Variants in DDX11 observed in about 807,000 individuals in gnomAD.
DDX11 encodes DEAD/H-box helicase 11.
DDX11 carries 72 observed loss-of-function variants against 125.2 expected under a neutral mutation model. The ratio of observed to expected loss-of-function variants is 0.58; its 90% CI spans 0.48 to 0.70. The LOEUF is 0.70. Among genes scored for constraint, DDX11 ranks in the 30% least tolerant of loss-of-function variants. The pLI, the probability that DDX11 is intolerant of heterozygous loss-of-function variation, is 0.00. For missense variants in DDX11, 883 were observed against 1,165.0 expected (o/e 0.76, Z 3.52); for synonymous variants, 347 against 452.6 (o/e 0.77, Z 2.96).
chr12:31,095,810 T>C (rs1945124427), intron 14 of DDX11, among the ~76,000 whole-genome samples: 3 of 152,168 alleles, frequency 2.0e-5, no homozygotes, highest in Admixed American at 2.0e-4. Flanking sequence ...GTCTCGGGTC[T>C]CATCACTCAC....
chr12:31,079,839 A>G (rs565055737), intron 2 of DDX11, among the ~76,000 whole-genome samples: 1,876 of 151,680 alleles, frequency 0.012, 10 homozygotes, highest in African/African-American at 0.044. Context: ...TTTTTTTAAC[A>G]TGCATTTTGG....
chr12:31,082,112 G>A (rs1311216777), intron 2 of DDX11, among the ~76,000 whole-genome samples: 1 of 118,120 alleles, frequency 8.5e-6, no homozygotes, highest in African/African-American at 3.6e-5. Flanking sequence ...TAAAAATATG[G>A]GATCCATCCA....
chr12:31,088,421 C>T (rs1943557654), intron 6 of DDX11, among the ~76,000 whole-genome samples: 1 of 152,134 alleles, frequency 6.6e-6, no homozygotes, highest in Admixed American at 6.5e-5. Flanking sequence ...ACGGGTAGGA[C>T]AGACATGAGT....
At chr12:31,102,053 C>T (rs1946476085) in intron 21 of DDX11, 71 bp downstream of exon 21, 2 of 1,582,106 alleles carry the variant, frequency 1.3e-6, no homozygotes, top group Non-Finnish European at 1.7e-6. Context: ...AGCTCTCGTG[C>T]TCATCGGGTC....
intron 14 of DDX11, among the ~76,000 whole-genome samples, chr12:31,095,952 G>A (rs1324072017): frequency 6.6e-6 from 1 of 152,086 alleles, no homozygotes; most frequent in Non-Finnish European, 1.5e-5. Context: ...CGACTGAGTG[G>A]CACTGCCCCA....
chr12:31,084,803 G>C, intron 4 of DDX11, 134 bp downstream of exon 4: 2 of 1,010,890 alleles, frequency 2.0e-6, no homozygotes, highest in Non-Finnish European at 3.0e-6. Context: ...TACAGAAGCT[G>C]GGCTGTGAGT....
In DDX11 at chr12:31,091,840, G is replaced by T. The variant is rs749601343; in HGVS notation, c.1211G>T (p.Gly404Val). The change falls in exon 10 of 27, where the codon GGC becomes GTC. Residue 404 changes from glycine to valine, a missense_variant. This residue lies in a region of DDX11 where 72 missense variants were observed against 159.7 expected (regional missense o/e 0.45). Coordinates refer to ENST00000542838, the MANE Select transcript of DDX11 (RefSeq NM_030653.4). ...CACAACCTGATCGACACCATCACGG[G>T]CATGCACAGCGTGGAGGTCAGCGGC... ...EAHNLIDTIT[G>V]MHSVEVSGSQ... 144 of 1,613,882 alleles carry T rather than the reference G, an allele frequency of 8.9e-5. No individual in the cohort carries two copies. The highest frequency in any genetic ancestry group is 8.1e-5 in the Non-Finnish European group (95 of 1,179,862).
At position 31,083,982 on chromosome 12, in the gene DDX11, C is replaced by T. The variant is rs1291864254; in HGVS notation, c.314C>T (p.Pro105Leu). ...TCCTGCGAAGGGGCTGCAGGCACCC[C>T]GAGGCCTGCTGGAGAACCGGCCTGG... ...SSSCEGAAGT[P>L]RPAGEPAWVT... The change falls in exon 3 of 27, where the codon CCG becomes CTG. Residue 105 changes from proline (P) to leucine (L), a missense_variant. Pro to Leu is a moderately conservative substitution (Grantham distance 98, BLOSUM62 -3). This residue lies in a region of DDX11 where 283 missense variants were observed against 359.6 expected (regional missense o/e 0.79). Coordinates refer to ENST00000542838, the MANE Select transcript of DDX11 (RefSeq NM_030653.4). The T allele has an allele frequency of 1.3e-5, 21 of 1,613,710 alleles. No individual in the cohort carries two copies. The highest frequency in any genetic ancestry group is 2.7e-5 in the African/African-American group (2 of 74,874).
At chr12:31,100,359 A>T (rs951952879) in intron 18 of DDX11, 26 of 326,780 alleles carry the variant, frequency 8.0e-5, no homozygotes, top group Non-Finnish European at 1.1e-4. Context: ...ATTTTTGAAA[A>T]TTTTCGCTGG....
intron 5 of DDX11, among the ~76,000 whole-genome samples, chr12:31,087,351 G>C (rs1286639561): frequency 6.6e-6 from 1 of 151,972 alleles, no homozygotes; most frequent in African/African-American, 2.4e-5. Context: ...GGCCGACCTG[G>C]GTCCTCCCTT....
intron 1 of DDX11, chr12:31,076,801 C>T (rs1398328869): frequency 2.0e-5 from 3 of 152,090 alleles, no homozygotes; most frequent in Non-Finnish European, 2.9e-5. Context: ...TTTTGATTAC[C>T]CTTCTTGTAA....
intron 9 of DDX11, 105 bp from the exon 10 acceptor site, chr12:31,091,614 C>G (rs1944235518): frequency 7.7e-7 from 1 of 1,292,668 alleles, no homozygotes; most frequent in African/African-American, 1.5e-5. Context: ...TCTACACAGT[C>G]CAGGCAGGAA....
Position 31,101,830 on chromosome 12 carries a change from T to C in DDX11, c.2053-3T>C. 1 of 1,613,940 alleles carries C rather than the reference T, an allele frequency of 6.2e-7. No homozygotes were observed. The highest frequency in any genetic ancestry group is 8.5e-7 in the Non-Finnish European group (1 of 1,179,838). ...TCCCTCCCTCCCTCCTTTCCTTCCT[T>C]AGATGGACGAGGTGGGTCGCATTCT... On this transcript the variant is annotated splice_polypyrimidine_tract_variant and splice_region_variant and intron_variant, in intron 20 of 26. Coordinates refer to ENST00000542838, the MANE Select transcript of DDX11 (RefSeq NM_030653.4).
intron 9 of DDX11, 131 bp from the exon 10 acceptor site, chr12:31,091,588 C>T (rs1390736580): frequency 3.1e-6 from 3 of 957,932 alleles, no homozygotes; most frequent in Non-Finnish European, 4.7e-6. Context: ...TTGCCACAAG[C>T]TGTTTTTCGA....
At chr12:31,101,691 A>G in intron 20 of DDX11, 142 bp from the exon 21 acceptor site, 3 of 1,137,822 alleles carry the variant, frequency 2.6e-6, no homozygotes, top group Non-Finnish European at 3.9e-6. Context: ...GTTCCCACCC[A>G]GGGGAGCCAA....
In DDX11 at chr12:31,104,004, C is replaced by T. The variant is rs1302988899; in HGVS notation, c.*168C>T. The stretch of plus-strand genomic sequence containing the variant: ...GGACCCAGGCACAGGCGTTAGCTCC[C>T]GTAGGAGAAAATGGGGGAATCCTGA... On this transcript the variant is annotated 3_prime_UTR_variant, in exon 27 of 27. Transcript: ENST00000542838. 3.3e-5 allele frequency: 52 copies of T among 1,557,544 alleles called. No individual in the cohort carries two copies. Among genetic ancestry groups the T allele is most frequent in the Admixed American group, 5.9e-5 (3 of 51,280 alleles).
rs752278323 is a variant in DDX11 at position 31,085,064 on chromosome 12, T to G, written c.576T>G (p.Ser192=). Reference sequence around the variant, plus strand: ...CTGAGCGGCTGGAGCAGCTGGAGTCTGGGGAGGAGGAGCTGGTCCTCGCCG... The same window carrying G: ...CTGAGCGGCTGGAGCAGCTGGAGTCGGGGGAGGAGGAGCTGGTCCTCGCCG... The part of the protein sequence containing the change: ...PEAERLEQLE[S]GEEELVLAEY... Residue 192 remains serine, a synonymous_variant, in exon 5 of 27, where the codon TCT becomes TCG. Coordinates refer to ENST00000542838, the MANE Select transcript of DDX11 (RefSeq NM_030653.4). 3.1e-6 allele frequency: 5 copies of G among 1,605,546 alleles called. No homozygotes were observed. Among genetic ancestry groups the G allele is most frequent in the Admixed American group, 3.4e-5 (2 of 58,924 alleles).
At position 31,101,484 on chromosome 12, in the gene DDX11, G is replaced by C. The variant is rs1420843659; in HGVS notation, c.2053-349G>C. Reference sequence around the variant, plus strand: ...GATGTGGGGCTTGGGGGCATCTCCTGTGGTGTGCCTGGGGTGTGCAGCCCC... The same window carrying C: ...GATGTGGGGCTTGGGGGCATCTCCTCTGGTGTGCCTGGGGTGTGCAGCCCC... On this transcript the variant is annotated intron_variant, in intron 20 of 26. Coordinates refer to ENST00000542838, the MANE Select transcript of DDX11 (RefSeq NM_030653.4). 1.2e-5 allele frequency: 6 copies of C among 498,062 alleles called. No homozygotes were observed. In the Admixed American group the frequency reaches 2.0e-4, roughly 16 times the overall value. 30.9% of individuals were successfully genotyped at this position (498,062 alleles called of 1,614,324 possible). A position where few individuals can be genotyped will look rare whatever the true frequency, so the allele number is the denominator to read the frequency against.
Position 31,092,836 on chromosome 12 carries a change from C to T in DDX11, c.1243-10C>T. 1 of 1,613,802 alleles carries T rather than the reference C, an allele frequency of 6.2e-7. No homozygotes were observed. The highest frequency in any genetic ancestry group is 8.5e-7 in the Non-Finnish European group (1 of 1,179,718). On this transcript the variant is annotated splice_polypyrimidine_tract_variant and intron_variant, in intron 10 of 26. Coordinates refer to ENST00000542838, the MANE Select transcript of DDX11 (RefSeq NM_030653.4). ...GCTTGCTCAGAGCCTGGTTTGTGTT[C>T]TTTCCCCAGCTCTGCCAGGCCCATT...
Sources: allele counts gnomAD v4.1 joint callset (sites outside exome capture counted in the v4.1 genomes callset), GRCh38; gene constraint gnomAD v4.1.1; regional missense constraint gnomAD v4.1.1; transcripts MANE v1.5; gene names NCBI Gene and HGNC (gene_info 2026-07-23, HGNC 2026-07-21).